The following PCDH15 variants were observed in gnomAD, a reference collection of about 807,000 sequenced individuals.
PCDH15 encodes protocadherin related 15, also known as protocadherin-15.
Under a neutral mutation model 178.5 loss-of-function variants are expected in PCDH15, and 129 were observed. That is an observed-to-expected ratio of 0.72 (90% confidence interval 0.63 to 0.84). PCDH15 has a LOEUF of 0.84. Ranked by LOEUF, PCDH15 falls within the 40% of genes least tolerant of loss-of-function variation. PCDH15 has a pLI of 0.00. For missense variants in PCDH15, 2,230 were observed against 2,099.9 expected, an observed-to-expected ratio of 1.06 and a Z score of -1.21; for synonymous variants, 800 against 732.0, an observed-to-expected ratio of 1.09 and a Z score of -1.50.
intron 18 of PCDH15, among the ~76,000 whole-genome samples, chr10:54,038,601 G>A (rs1311664415): frequency 6.6e-6 from 1 of 151,868 alleles, no homozygotes; most frequent in Non-Finnish European, 1.5e-5. Context: ...ACACTGAAAT[G>A]GGTGTGACTA....
intron 4 of PCDH15, among the ~76,000 whole-genome samples, chr10:54,377,765 C>A (rs1196491273): frequency 6.6e-6 from 1 of 152,058 alleles, no homozygotes; most frequent in East Asian, 1.9e-4. Context: ...GGGCCCAGTG[C>A]AATTACTGAT....
intron 2 of PCDH15, among the ~76,000 whole-genome samples, chr10:55,433,827 CTTGT>C (rs888875286): frequency 1.1e-4 from 16 of 151,866 alleles, no homozygotes; most frequent in African/African-American, 3.6e-4. Context: ...GGCAGGGATA[CTTGT>C]TTATTTTGCT....
chr10:54,070,239 T>G (rs1301451974), intron 17 of PCDH15, among the ~76,000 whole-genome samples: 1 of 152,248 alleles, frequency 6.6e-6, no homozygotes, highest in Non-Finnish European at 1.5e-5. Flanking sequence ...GGTATCACTC[T>G]GTCATTCAGG....
At chr10:55,069,304 T>A (rs1841657901) in intron 2 of PCDH15, among the ~76,000 whole-genome samples, 1 of 151,148 alleles carries the variant, frequency 6.6e-6, no homozygotes, top group African/African-American at 2.4e-5. Flanking sequence ...TACTTTAAGT[T>A]TTAGGGTACA....
intron 1 of PCDH15, among the ~76,000 whole-genome samples, chr10:55,168,207 TC>T (rs1211990229): frequency 2.6e-5 from 4 of 152,112 alleles, no homozygotes; most frequent in African/African-American, 9.7e-5. Flanking sequence ...GATGGGATCT[TC>T]TAAATATTTG....
chr10:53,805,320 C>T lies in PCDH15; in HGVS notation c.*1259G>A, dbSNP rs772955978. On this transcript the variant is annotated 3_prime_UTR_variant, in exon 38 of 38. Coordinates refer to ENST00000644397, the MANE Select transcript of PCDH15 (RefSeq NM_001384140.1). ...AATATTCAATAGAATTCTGAATTCTCTTAATCTATATTGTTTCATTCTTTT... is the reference window on the plus strand; with the variant it reads ...AATATTCAATAGAATTCTGAATTCTTTTAATCTATATTGTTTCATTCTTTT... 9 of 151,956 alleles carry T rather than the reference C, an allele frequency of 5.9e-5. No individual in the cohort carries two copies. The highest frequency in any genetic ancestry group is 1.0e-4 in the Non-Finnish European group (7 of 67,952). 9.4% of individuals were successfully genotyped at this position (151,956 alleles called of 1,614,324 possible).
chr10:55,588,079 G>C (rs1842763272), intron 2 of PCDH15, among the ~76,000 whole-genome samples: 1 of 152,126 alleles, frequency 6.6e-6, no homozygotes, highest in South Asian at 2.1e-4. Flanking sequence ...AAGCAACTTG[G>C]ATCCTCTATT....
At chr10:53,880,988 A>G (rs2080668948) in intron 26 of PCDH15, among the ~76,000 whole-genome samples, 1 of 152,082 alleles carries the variant, frequency 6.6e-6, no homozygotes, top group Admixed American at 6.6e-5. Context: ...CTGTATGTGT[A>G]TGTGTGTGTG....
At chr10:54,928,381 C>A (rs1444047049) in intron 2 of PCDH15, among the ~76,000 whole-genome samples, 1 of 152,108 alleles carries the variant, frequency 6.6e-6, no homozygotes, top group Non-Finnish European at 1.5e-5. Context: ...TTCTTTCTTT[C>A]ATTTCAACCT....
chr10:54,288,114 G>C (rs7093167), intron 8 of PCDH15, among the ~76,000 whole-genome samples: 79,419 of 151,746 alleles, frequency 0.52, 21,678 homozygotes, highest in African/African-American at 0.63. Context: ...ATGAGGTCAG[G>C]AGTTCAACAC....
At chr10:54,385,806 T>C (rs1949848025) in intron 3 of PCDH15, among the ~76,000 whole-genome samples, 1 of 152,128 alleles carries the variant, frequency 6.6e-6, no homozygotes, top group African/African-American at 2.4e-5. Flanking sequence ...TTTCTAAAGG[T>C]CATTTTATTC....
intron 20 of PCDH15, among the ~76,000 whole-genome samples, chr10:53,998,812 G>A (rs1422783645): frequency 2.0e-5 from 3 of 151,960 alleles, no homozygotes; most frequent in Admixed American, 1.3e-4. Context: ...AACACTTTGG[G>A]AGGCTGAGGT....
rs71007827 is a variant in PCDH15 at position 54,242,187 on chromosome 10, TACAC to T, written c.877-5260_877-5257del. 3.9e-3 allele frequency among the ~76,000 whole-genome samples: 299 copies of T among 76,782 alleles called. 3 individuals are homozygous for T. The highest frequency in any genetic ancestry group is 4.6e-3 in the African/African-American group (85 of 18,592). The allele number at this position is 76,782 out of a possible 152,430, so 50.4% of individuals were successfully genotyped here. A position where few individuals can be genotyped will look rare whatever the true frequency, so the allele number is the denominator to read the frequency against. ...ATATATATATATATATATATATATA[TACAC>T]ACACACACATACATACATACACATA... On this transcript the variant is annotated intron_variant, in intron 8 of 37. Coordinates refer to ENST00000644397, the MANE Select transcript of PCDH15 (RefSeq NM_001384140.1).
At chr10:54,281,252 T>A (rs7906254) in intron 8 of PCDH15, among the ~76,000 whole-genome samples, 31,176 of 151,764 alleles carry the variant, frequency 0.21, 3,298 homozygotes, top group Admixed American at 0.23. Flanking sequence ...CTTAAAAACA[T>A]TTGCTATGGC....
chr10:54,409,434 CTG>C (rs2135597025), intron 3 of PCDH15, among the ~76,000 whole-genome samples: 1 of 152,106 alleles, frequency 6.6e-6, no homozygotes, highest in South Asian at 2.1e-4. Flanking sequence ...ATATCCCTAA[CTG>C]ATATTGCAGA....
At chr10:55,039,139 T>A (rs1840806595) in intron 2 of PCDH15, among the ~76,000 whole-genome samples, 1 of 151,914 alleles carries the variant, frequency 6.6e-6, no homozygotes, top group Admixed American at 6.6e-5. Flanking sequence ...CCAAACCTCA[T>A]TACAGAAAAC....
At chr10:54,400,726 AC>A (rs1392377658) in intron 3 of PCDH15, among the ~76,000 whole-genome samples, 1 of 152,082 alleles carries the variant, frequency 6.6e-6, no homozygotes, top group Non-Finnish European at 1.5e-5. Flanking sequence ...CATTTCCATG[AC>A]AAAGACGAGA....
chr10:54,679,047 G>T (rs1258120856), intron 1 of PCDH15, among the ~76,000 whole-genome samples: 1 of 151,492 alleles, frequency 6.6e-6, no homozygotes, highest in Admixed American at 6.6e-5. Flanking sequence ...AAAATTAGCC[G>T]GGCGTGTTGG....
At chr10:55,477,780 A>T (rs1213324203) in intron 2 of PCDH15, among the ~76,000 whole-genome samples, 1 of 151,928 alleles carries the variant, frequency 6.6e-6, no homozygotes, top group Non-Finnish European at 1.5e-5. Context: ...TATCTCCTTG[A>T]TAAATATCAG....
Sources: allele counts gnomAD v4.1 joint callset (sites outside exome capture counted in the v4.1 genomes callset), GRCh38; gene constraint gnomAD v4.1.1; transcripts MANE v1.5; gene names NCBI Gene and HGNC (gene_info 2026-07-23, HGNC 2026-07-21).